The following ATF6 variants were observed in gnomAD, a reference collection of about 807,000 sequenced individuals.
ATF6 encodes cyclic AMP-dependent transcription factor ATF-6 alpha.
Under a neutral mutation model 83.6 loss-of-function variants are expected in ATF6, and 53 were observed. The ratio of observed to expected loss-of-function variants is 0.63; its 90% CI spans 0.51 to 0.80. The LOEUF is 0.80. Ranked by LOEUF, ATF6 falls within the 30% of genes least tolerant of loss-of-function variation. The pLI is 0.00. For missense variants in ATF6, 744 were observed against 797.9 expected, an observed-to-expected ratio of 0.93 and a Z score of 0.81; for synonymous variants, 288 against 285.8, an observed-to-expected ratio of 1.01 and a Z score of -0.08.
Position 161,819,825 on chromosome 1 carries a change from G to T in ATF6, c.1095+7G>T. On this transcript the variant is annotated splice_region_variant and intron_variant, in intron 8 of 15. Coordinates refer to ENST00000367942, the MANE Select transcript of ATF6 (RefSeq NM_007348.4). ...GGATGAAGTTGTGTCAGAGGTAAGT[G>T]TTAGTAATACGGCTGAGTCGAGATG... The T allele has an allele frequency of 6.2e-7, 1 of 1,604,228 alleles. No individual in the cohort carries two copies. Among genetic ancestry groups the T allele is most frequent in the East Asian group, 2.3e-5 (1 of 44,328 alleles).
At position 161,792,146 on chromosome 1, in the gene ATF6, A is replaced by G; in HGVS notation, c.507A>G (p.Lys169=). The change falls in exon 6 of 16, where the codon AAA becomes AAG. Residue 169 remains lysine, a synonymous_variant. Coordinates refer to ENST00000367942, the MANE Select transcript of ATF6 (RefSeq NM_007348.4). ...CAGAAAATGGACTGACTCCAAAGAA[A>G]AAAATTCAGGTGAATTCAAAACCTT... ...NKTENGLTPK[K]KIQVNSKPSI... The G allele has an allele frequency of 6.2e-7, 1 of 1,613,986 alleles. No homozygotes were observed. Among genetic ancestry groups the G allele is most frequent in the Non-Finnish European group, 8.5e-7 (1 of 1,180,016 alleles).
rs768207958 is a variant in ATF6 at position 161,766,374 on chromosome 1, C to A, written c.14C>A (p.Ala5Asp). The A allele has an allele frequency of 2.5e-6, 4 of 1,612,894 alleles. No homozygotes were observed. Among genetic ancestry groups the A allele is most frequent in the Non-Finnish European group, 8.5e-7 (1 of 1,179,442 alleles). MGEPAGVAGTMESPF... is the reference protein window; with the variant it reads MGEPDGVAGTMESPF... ...GGAACTTGTGAAATGGGGGAGCCGG[C>A]TGGGGTTGCCGGCACCATGGAGTCA... The change falls in exon 1 of 16, where the codon GCT becomes GAT. Residue 5 changes from alanine to aspartate, a missense_variant. Transcript: ENST00000367942.
In ATF6 at chr1:161,958,711, G is replaced by A; in HGVS notation, c.*57G>A. The A allele has an allele frequency of 1.0e-5, 15 of 1,447,836 alleles. No individual in the cohort carries two copies. The highest frequency in any genetic ancestry group is 1.4e-5 in the Non-Finnish European group (15 of 1,073,854). 89.7% of individuals were successfully genotyped at this position (1,447,836 alleles called of 1,614,324 possible). A position where few individuals can be genotyped will look rare whatever the true frequency, so the allele number is the denominator to read the frequency against. ...GGGACCCTGCCAGACTGAAGAGCAGGTGAGCAAAATGCTGCTTTCTGCCTT... is the reference window on the plus strand; with the variant it reads ...GGGACCCTGCCAGACTGAAGAGCAGATGAGCAAAATGCTGCTTTCTGCCTT... On this transcript the variant is annotated 3_prime_UTR_variant, in exon 16 of 16. Transcript: ENST00000367942.
chr1:161,925,147 A>G (rs1421924764), intron 15 of ATF6, among the ~76,000 whole-genome samples: 1 of 152,084 alleles, frequency 6.6e-6, no homozygotes, highest in Non-Finnish European at 1.5e-5. Flanking sequence ...TTTGGAAGCT[A>G]TTCTTGTGAC....
chr1:161,841,810 G>T (rs1557989947), intron 9 of ATF6, among the ~76,000 whole-genome samples: 1 of 152,106 alleles, frequency 6.6e-6, no homozygotes, highest in African/African-American at 2.4e-5. Flanking sequence ...GAAAAATAGT[G>T]ACCACTTATG....
chr1:161,798,448 C>G (rs1012471803), intron 6 of ATF6, among the ~76,000 whole-genome samples: 3 of 152,126 alleles, frequency 2.0e-5, no homozygotes, highest in Admixed American at 6.5e-5. Flanking sequence ...CCCATCTCTA[C>G]TAAAAATACA....
chr1:161,821,369 CATA>C (rs909197945), intron 9 of ATF6, among the ~76,000 whole-genome samples: 19 of 152,188 alleles, frequency 1.2e-4, no homozygotes, highest in African/African-American at 3.4e-4. Flanking sequence ...ATGTGATGAA[CATA>C]ATAATAACAG....
At chr1:161,778,084 G>A (rs1684558407) in intron 1 of ATF6, among the ~76,000 whole-genome samples, 160 bp from the exon 2 acceptor site, 1 of 152,178 alleles carries the variant, frequency 6.6e-6, no homozygotes, top group Admixed American at 6.5e-5. Flanking sequence ...ACATAAATTG[G>A]AAATGAGCAT....
intron 1 of ATF6, among the ~76,000 whole-genome samples, chr1:161,773,942 C>T (rs974426164): frequency 3.3e-5 from 5 of 152,184 alleles, no homozygotes; most frequent in Non-Finnish European, 5.9e-5. Flanking sequence ...CACTGATAAA[C>T]GTGCGTTTTC....
chr1:161,915,831 C>T (rs1460203896), intron 15 of ATF6, among the ~76,000 whole-genome samples: 1 of 152,078 alleles, frequency 6.6e-6, no homozygotes, highest in Non-Finnish European at 1.5e-5. Context: ...CTATGTTGCC[C>T]AGGCTGGTCT....
intron 9 of ATF6, among the ~76,000 whole-genome samples, chr1:161,841,786 A>C (rs947589659): frequency 2.6e-5 from 4 of 152,224 alleles, no homozygotes; most frequent in Non-Finnish European, 4.4e-5. Flanking sequence ...AATCATTACC[A>C]AAGTGGGCAC....
chr1:161,824,007 C>T (rs147924110), intron 9 of ATF6, among the ~76,000 whole-genome samples: 95 of 152,240 alleles, frequency 6.2e-4, no homozygotes, highest in African/African-American at 2.2e-3. Flanking sequence ...CTAGAGGTTA[C>T]GATTATCTGA....
At chr1:161,772,968 T>G (rs994061557) in intron 1 of ATF6, among the ~76,000 whole-genome samples, 7 of 144,554 alleles carry the variant, frequency 4.8e-5, no homozygotes, top group African/African-American at 1.3e-4. Flanking sequence ...CTCCTGTTTT[T>G]TTTTTTTTTT....
intron 15 of ATF6, among the ~76,000 whole-genome samples, chr1:161,940,944 C>G (rs1160145011): frequency 1.3e-5 from 2 of 152,120 alleles, no homozygotes; most frequent in Non-Finnish European, 2.9e-5. Flanking sequence ...ATATGCATAC[C>G]CGTATCACAC....
At chr1:161,934,701 C>T (rs1255423663) in intron 15 of ATF6, among the ~76,000 whole-genome samples, 1 of 152,142 alleles carries the variant, frequency 6.6e-6, no homozygotes, top group African/African-American at 2.4e-5. Context: ...ATGGAAAGAA[C>T]AGATATGTTT....
intron 4 of ATF6, among the ~76,000 whole-genome samples, chr1:161,786,603 C>A (rs1479351569): frequency 6.6e-6 from 1 of 151,834 alleles, no homozygotes; most frequent in East Asian, 1.9e-4. Flanking sequence ...TTGTTTGGAA[C>A]AATCTCAAAT....
In ATF6 at chr1:161,872,433, G is replaced by A. The variant is rs570178896; in HGVS notation, c.1719+9121G>A. Among the ~76,000 whole-genome samples, 51 of 151,574 alleles carry A rather than the reference G, an allele frequency of 3.4e-4. No homozygotes were observed. In the South Asian group the frequency reaches 6.2e-3, roughly 19 times the overall value. ...AGTTGTTTCGGGATCATTTTCCAGA[G>A]ACTAAGACAAAGCCCTGTGGAAAAC... On this transcript the variant is annotated intron_variant, in intron 14 of 15. Coordinates refer to ENST00000367942, the MANE Select transcript of ATF6 (RefSeq NM_007348.4).
rs535245627 is a variant in ATF6 at position 161,815,584 on chromosome 1, A to G, written c.910-4049A>G. On this transcript the variant is annotated intron_variant, in intron 7 of 15. Coordinates refer to ENST00000367942, the MANE Select transcript of ATF6 (RefSeq NM_007348.4). ...AAGGCTTTAGTCAATTTTATTAATA[A>G]AAAGAGACTATAATAACTTACAGTG... 6.6e-5 allele frequency among the ~76,000 whole-genome samples: 10 copies of G among 152,190 alleles called. No individual in the cohort carries two copies. In the East Asian group the frequency reaches 1.7e-3, roughly 26 times the overall value.
chr1:161,815,010 TTATC>T (rs1373580687), intron 7 of ATF6, among the ~76,000 whole-genome samples: 1 of 152,108 alleles, frequency 6.6e-6, no homozygotes, highest in Admixed American at 6.5e-5. Context: ...GGCTTCCACT[TTATC>T]TATCAGTTTA....
Sources: allele counts gnomAD v4.1 joint callset (sites outside exome capture counted in the v4.1 genomes callset), GRCh38; gene constraint gnomAD v4.1.1; transcripts MANE v1.5; gene names NCBI Gene and HGNC (gene_info 2026-07-23, HGNC 2026-07-21).